Variants in ARSG observed in about 807,000 individuals in gnomAD.
ARSG encodes the protein arylsulfatase G.
In ARSG, 37 loss-of-function variants were observed where a neutral mutation model predicts 50.5. The ratio of observed to expected loss-of-function variants is 0.73; its 90% CI spans 0.56 to 0.96. ARSG has a LOEUF of 0.96. Among genes scored for constraint, ARSG ranks in the 50% least tolerant of loss-of-function variants. ARSG has a pLI of 0.00. For synonymous variants in ARSG, 225 were observed against 254.6 expected, an observed-to-expected ratio of 0.88 and a Z score of 1.11; for missense variants, 629 against 675.3, an observed-to-expected ratio of 0.93 and a Z score of 0.76.
rs2081395519 is a variant in ARSG at position 68,399,803 on chromosome 17, G to A, written c.1213-1557G>A. ...CTTCACTCCCATCTTCTGCATGTCC[G>A]CGTGCATCGTATATCAGTTGACAAT... On this transcript the variant is annotated intron_variant, in intron 10 of 11. Transcript: ENST00000621439. This position sits in a 1 kb window ranked among gnomAD's most constrained non-coding sequence, Gnocchi z 4.6. Among the ~76,000 whole-genome samples the A allele has an allele frequency of 6.6e-6, 1 of 152,202 alleles. No individual in the cohort carries two copies. Among genetic ancestry groups the A allele is most frequent in the Non-Finnish European group, 1.5e-5 (1 of 68,040 alleles).
At chr17:68,313,757 G>A (rs1484473108) in intron 2 of ARSG, among the ~76,000 whole-genome samples, 1 of 144,146 alleles carries the variant, frequency 6.9e-6, no homozygotes, top group African/African-American at 2.6e-5. Context: ...TTGGCTCACT[G>A]CAACCTCCGC....
the ARSG span, chr17:68,428,983 G>A: frequency 3.5e-5 from 50 of 1,447,638 alleles, no homozygotes; most frequent in Non-Finnish European, 4.3e-5. Context: ...GAAGATGGGC[G>A]ATGGATTCGC....
At chr17:68,374,013 C>T (rs1047368102) in intron 8 of ARSG, among the ~76,000 whole-genome samples, 8 of 151,724 alleles carry the variant, frequency 5.3e-5, no homozygotes, top group African/African-American at 1.4e-4. Context: ...AAAAATTAGC[C>T]GGGCATGGTG....
chr17:68,263,076 A>G (rs544446375), intron 1 of ARSG, among the ~76,000 whole-genome samples: 12 of 152,230 alleles, frequency 7.9e-5, no homozygotes, highest in Non-Finnish European at 1.6e-4. Context: ...TATTTTCTCA[A>G]TAATATTTGG....
Position 68,385,147 on chromosome 17 carries a change from A to G in ARSG, c.1066A>G (p.Asn356Asp). The change falls in exon 9 of 12, where the codon AAT (asparagine) becomes GAT (aspartate). Residue 356 changes from asparagine (N) to aspartate (D), a missense_variant. Physicochemically the swap from Asn to Asp is conservative, Grantham distance 23. Coordinates refer to ENST00000621439, the MANE Select transcript of ARSG (RefSeq NM_001267727.2). The part of the protein sequence containing the change: ...LAYWPGRVPV[N>D]VTSTALLSVL... ...TTACTGGCCTGGCAGAGTTCCAGTT[A>G]ATGTCACCAGCACTGCCTTGTTAAG... is the stretch of plus-strand genomic sequence containing the variant. 6.2e-7 allele frequency: 1 copy of G among 1,613,946 alleles called. No individual in the cohort carries two copies. Among genetic ancestry groups the G allele is most frequent in the South Asian group, 1.1e-5 (1 of 91,078 alleles).
intron 2 of ARSG, among the ~76,000 whole-genome samples, chr17:68,341,829 T>A (rs1015361751): frequency 2.0e-5 from 3 of 152,126 alleles, no homozygotes; most frequent in South Asian, 2.1e-4. Flanking sequence ...TTCTTTTTTT[T>A]AATTTTTTGA....
At chr17:68,409,874 C>T (rs1486528316) in intron 11 of ARSG, among the ~76,000 whole-genome samples, 1 of 149,994 alleles carries the variant, frequency 6.7e-6, no homozygotes, top group Non-Finnish European at 1.5e-5. Flanking sequence ...ATTTTATTCT[C>T]TTTGAAGCAA....
chr17:68,274,010 C>G (rs374285241), intron 1 of ARSG: 2 of 1,614,044 alleles, frequency 1.2e-6, no homozygotes, highest in African/African-American at 1.3e-5. Flanking sequence ...GACAAGTAGC[C>G]CCCCCAACAT....
intron 2 of ARSG, among the ~76,000 whole-genome samples, chr17:68,342,933 A>G (rs967599154): frequency 6.6e-6 from 1 of 152,226 alleles, no homozygotes; most frequent in Non-Finnish European, 1.5e-5. Context: ...AGGTCTGCCT[A>G]TATCCGCAAA....
chr17:68,322,265 C>T (rs915014710), intron 2 of ARSG, among the ~76,000 whole-genome samples: 1 of 152,212 alleles, frequency 6.6e-6, no homozygotes, highest in Non-Finnish European at 1.5e-5. Flanking sequence ...GCTGGAGTTG[C>T]AACTCTAAGC....
downstream of ARSG, chr17:68,421,668 C>A (rs968669098): frequency 6.6e-7 from 1 of 1,513,050 alleles, no homozygotes. Flanking sequence ...GGGATTCCTG[C>A]CCCCCTTTCT....
chr17:68,260,923 C>T lies in ARSG; in HGVS notation c.-552+1497C>T, dbSNP rs747860068. 9.2e-5 allele frequency among the ~76,000 whole-genome samples: 14 copies of T among 152,214 alleles called. No individual in the cohort carries two copies. In the South Asian group the frequency reaches 2.7e-3, roughly 29 times the overall value. ...GAGGCAGTATGTTAAAACCCACAGA[C>T]CTCCATACTTAACCCAGTATTGATT... On this transcript the variant is annotated intron_variant, in intron 1 of 11. Transcript: ENST00000448504.
At position 68,346,964 on chromosome 17, in the gene ARSG, A is replaced by C. The variant is rs1485626996; in HGVS notation, c.407-161A>C. ...TCCCTGTGGACACCGTCTCGGCCCCAGAGAGCAAAGCCTGGCTTGTACACC... is the reference window on the plus strand; with the variant it reads ...TCCCTGTGGACACCGTCTCGGCCCCCGAGAGCAAAGCCTGGCTTGTACACC... On this transcript the variant is annotated intron_variant, in intron 3 of 11. Coordinates refer to ENST00000621439, the MANE Select transcript of ARSG (RefSeq NM_001267727.2). The C allele has an allele frequency of 6.5e-6, 10 of 1,527,830 alleles. No homozygotes were observed. In the African/African-American group the frequency reaches 1.1e-4, roughly 17 times the overall value. The allele number at this position is 1,527,830 out of a possible 1,614,324, so 94.6% of individuals were successfully genotyped here.
rs1465552461 is a variant in ARSG, at chr17:68,307,386, C to A, written c.-108C>A. The A allele has an allele frequency of 1.2e-6, 1 of 850,854 alleles. No individual in the cohort carries two copies. The highest frequency in any genetic ancestry group is 1.9e-6 in the Non-Finnish European group (1 of 523,570). The allele number at this position is 850,854 out of a possible 1,614,324, so 52.7% of individuals were successfully genotyped here. ...CATCTTCTTGCAGATTCCACCCCTG[C>A]TCCCCAGAGACTTCCTGCTTTGAAA... is the stretch of plus-strand genomic sequence containing the variant. On this transcript the variant is annotated 5_prime_UTR_variant, in exon 2 of 12. Transcript: ENST00000621439.
At chr17:68,274,044 G>T in intron 1 of ARSG, 1 of 1,614,140 alleles carries the variant, frequency 6.2e-7, no homozygotes, top group African/African-American at 1.3e-5. Context: ...TGTCCGAAAC[G>T]ATTGCTCAGG....
At position 68,330,873 on chromosome 17, in the gene ARSG, G is replaced by A. The variant is rs191133435; in HGVS notation, c.219-12731G>A. Among the ~76,000 whole-genome samples, 516 of 151,968 alleles carry A rather than the reference G, an allele frequency of 3.4e-3. 6 individuals carry two copies. Among genetic ancestry groups the A allele is most frequent in the African/African-American group, 0.012 (492 of 41,436 alleles). On this transcript the variant is annotated intron_variant, in intron 2 of 11. Coordinates refer to ENST00000621439, the MANE Select transcript of ARSG (RefSeq NM_001267727.2). Reference sequence around the variant, plus strand: ...ACTTAGACCCTGTGCTTGGTTGCAGGCTTTGCTGTCTCTGTCTTAAAATTT... The same window carrying A: ...ACTTAGACCCTGTGCTTGGTTGCAGACTTTGCTGTCTCTGTCTTAAAATTT...
In ARSG at chr17:68,271,590, C is replaced by G; in HGVS notation, c.-552+12164C>G. 1 of 1,614,152 alleles carries G rather than the reference C, an allele frequency of 6.2e-7. No homozygotes were observed. Among genetic ancestry groups the G allele is most frequent in the Non-Finnish European group, 8.5e-7 (1 of 1,180,006 alleles). On this transcript the variant is annotated intron_variant, in intron 1 of 11. Coordinates refer to the ARSG transcript ENST00000448504. The surrounding 1 kb of genome is among the most constrained non-coding windows in gnomAD (Gnocchi z 5.3). ...GTGCTCCGAAGATGACAATGTTTAA[C>G]TGTAGTAGGCCCACGAAGAGGAGGC... is the stretch of plus-strand genomic sequence containing the variant.
At chr17:68,297,938 G>A (rs537560674) in intron 1 of ARSG, among the ~76,000 whole-genome samples, 1 of 145,784 alleles carries the variant, frequency 6.9e-6, no homozygotes, top group South Asian at 2.2e-4. Flanking sequence ...TTCTCACATT[G>A]TGTTTGGGGT....
chr17:68,263,979 C>T (rs1288824902), intron 1 of ARSG, among the ~76,000 whole-genome samples: 3 of 152,020 alleles, frequency 2.0e-5, no homozygotes, highest in African/African-American at 7.2e-5. Flanking sequence ...TGCCTCAGCC[C>T]CCCGAGTAGC....
Sources: allele counts gnomAD v4.1 joint callset (sites outside exome capture counted in the v4.1 genomes callset), GRCh38; gene constraint gnomAD v4.1.1; non-coding constraint Gnocchi (gnomAD v3.1); transcripts MANE v1.5; gene names NCBI Gene and HGNC (gene_info 2026-07-23, HGNC 2026-07-21).